The following CRMP1 variants were observed in gnomAD, a reference collection of about 807,000 sequenced individuals.
CRMP1 encodes the protein dihydropyrimidinase-related protein 1.
CRMP1 carries 19 observed loss-of-function variants against 68.3 expected under a neutral mutation model. The ratio of observed to expected loss-of-function variants is 0.28; its 90% CI spans 0.19 to 0.41. The LOEUF (loss-of-function observed/expected upper bound fraction) is 0.41. Among genes scored for constraint, CRMP1 ranks in the 10% least tolerant of loss-of-function variants. The pLI is 1.00. For synonymous variants in CRMP1, 439 were observed against 399.6 expected, an observed-to-expected ratio of 1.10 and a Z score of -1.18; for missense variants, 791 against 967.4, an observed-to-expected ratio of 0.82 and a Z score of 2.42.
Position 5,838,953 on chromosome 4 carries a change from C to T in CRMP1, c.1310+569G>A, listed in dbSNP as rs1053743885. On this transcript the variant is annotated intron_variant, in intron 9 of 13. Coordinates refer to ENST00000324989, the MANE Select transcript of CRMP1 (RefSeq NM_001014809.3). The surrounding 1 kb of genome is among the most constrained non-coding windows in gnomAD (Gnocchi z 4.9). ...TGGACACTTAGCCTCGCTGTGTGGC[C>T]CTGCTATTGCTAAGTGCTCTTCCCT... Among the ~76,000 whole-genome samples the T allele has an allele frequency of 5.9e-5, 9 of 152,156 alleles. No homozygotes were observed. The highest frequency in any genetic ancestry group is 1.9e-4 in the African/African-American group (8 of 41,438).
intron 6 of CRMP1, among the ~76,000 whole-genome samples, chr4:5,846,758 T>C (rs1256224277): frequency 4.7e-4 from 1 of 2,130 alleles, no homozygotes; most frequent in Non-Finnish European, 3.1e-3. Context: ...GCCCGGCTAA[T>C]TTTTTTTTTT....
chr4:5,880,636 G>A (rs1288305010), intron 1 of CRMP1, among the ~76,000 whole-genome samples: 2 of 152,160 alleles, frequency 1.3e-5, no homozygotes, highest in East Asian at 1.9e-4. Context: ...GAAATGCAGC[G>A]AAGCCCATTA....
intron 1 of CRMP1, among the ~76,000 whole-genome samples, chr4:5,869,487 C>T (rs191817008): frequency 6.6e-6 from 1 of 151,534 alleles, no homozygotes; most frequent in East Asian, 2.0e-4. Flanking sequence ...TCGAGACCAT[C>T]CTGGCTAACA....
chr4:5,877,347 G>T lies in CRMP1; in HGVS notation c.382-10591C>A, dbSNP rs749976096. 5.3e-5 allele frequency among the ~76,000 whole-genome samples: 8 copies of T among 152,224 alleles called. No individual in the cohort carries two copies. The highest frequency in any genetic ancestry group is 1.0e-4 in the Non-Finnish European group (7 of 68,040). On this transcript the variant is annotated intron_variant, in intron 1 of 13. Coordinates refer to ENST00000324989, the MANE Select transcript of CRMP1 (RefSeq NM_001014809.3). This position sits in a 1 kb window ranked among gnomAD's most constrained non-coding sequence, Gnocchi z 4.3. ...AGGTTCTGTGCTGGGAGCCACAGGG[G>T]TTGCTGCATAAGAGGTTTTATAGCT...
Position 5,841,184 on chromosome 4 carries a change from TC to T in CRMP1, c.1153+123del. ...AGCCACCATCCTTGTGTCAGGAGCA[TC>T]CCCGCTCCACCCCTCCCTCCTCCGG... On this transcript the variant is annotated intron_variant, in intron 8 of 13. Coordinates refer to ENST00000324989, the MANE Select transcript of CRMP1 (RefSeq NM_001014809.3). The surrounding 1 kb of genome is among the most constrained non-coding windows in gnomAD (Gnocchi z 6.9). 1 of 1,449,484 alleles carries T rather than the reference TC, an allele frequency of 6.9e-7. No individual in the cohort carries two copies. The highest frequency in any genetic ancestry group is 9.6e-7 in the Non-Finnish European group (1 of 1,044,420). 89.8% of individuals were successfully genotyped at this position (1,449,484 alleles called of 1,614,324 possible). A position where few individuals can be genotyped will look rare whatever the true frequency, so the allele number is the denominator to read the frequency against.
chr4:5,878,255 T>C, intron 1 of CRMP1, among the ~76,000 whole-genome samples: 1 of 150,226 alleles, frequency 6.7e-6, no homozygotes, highest in Non-Finnish European at 1.5e-5. Flanking sequence ...GTGGTGAGAC[T>C]AGTACAGTGT....
At position 5,850,577 on chromosome 4, in the gene CRMP1, C is replaced by A. The variant is rs977037901; in HGVS notation, c.882+831G>T. On this transcript the variant is annotated intron_variant, in intron 5 of 13. Coordinates refer to ENST00000324989, the MANE Select transcript of CRMP1 (RefSeq NM_001014809.3). This position sits in a 1 kb window ranked among gnomAD's most constrained non-coding sequence, Gnocchi z 4.4. ...CCTGCTAACTGATGCCTGTATGGCA[C>A]CATTCTCTGCTAGGCACCATCCTAG... 1.3e-5 allele frequency among the ~76,000 whole-genome samples: 2 copies of A among 152,150 alleles called. No individual in the cohort carries two copies. Among genetic ancestry groups the A allele is most frequent in the African/African-American group, 4.8e-5 (2 of 41,438 alleles).
At chr4:5,880,265 C>T (rs1715142125) in intron 1 of CRMP1, among the ~76,000 whole-genome samples, 1 of 152,120 alleles carries the variant, frequency 6.6e-6, no homozygotes, top group Non-Finnish European at 1.5e-5. Flanking sequence ...TTCCTTCCTC[C>T]TTAATTGTAC....
chr4:5,891,272 G>A lies in CRMP1; in HGVS notation c.381+1317C>T, dbSNP rs1186273026. Among the ~76,000 whole-genome samples the A allele has an allele frequency of 8.6e-6, 1 of 115,880 alleles. No homozygotes were observed. The highest frequency in any genetic ancestry group is 4.7e-4 in the East Asian group (1 of 2,132). 76.0% of individuals were successfully genotyped at this position (115,880 alleles called of 152,430 possible). ...GGCTTCAGGACCACGGAGAGCTCTGGAGCAACAGCCCGCCCGCGAAGGGAT... is the reference window on the plus strand; with the variant it reads ...GGCTTCAGGACCACGGAGAGCTCTGAAGCAACAGCCCGCCCGCGAAGGGAT... On this transcript the variant is annotated intron_variant, in intron 1 of 13. Transcript: ENST00000324989. This position sits in a 1 kb window ranked among gnomAD's most constrained non-coding sequence, Gnocchi z 5.2.
chr4:5,843,005 C>G lies in CRMP1; in HGVS notation c.1032+88G>C. On this transcript the variant is annotated intron_variant, in intron 7 of 13. Coordinates refer to ENST00000324989, the MANE Select transcript of CRMP1 (RefSeq NM_001014809.3). This position sits in a 1 kb window ranked among gnomAD's most constrained non-coding sequence, Gnocchi z 4.1. ...GAGAGGACACGGGAAGAGGCCGGGT[C>G]CTGGCTGGGCTACTCCAGCTGGAAC... 2 of 1,300,500 alleles carry G rather than the reference C, an allele frequency of 1.5e-6. No homozygotes were observed. Among genetic ancestry groups the G allele is most frequent in the Admixed American group, 1.7e-5 (1 of 58,088 alleles). The allele number at this position is 1,300,500 out of a possible 1,614,324, so 80.6% of individuals were successfully genotyped here.
rs1243675916 is a variant in CRMP1, at chr4:5,876,152, CA to C, written c.382-9397del. 1.5e-3 allele frequency among the ~76,000 whole-genome samples: 202 copies of C among 134,172 alleles called. 1 individual carries two copies. Among genetic ancestry groups the C allele is most frequent in the Non-Finnish European group, 1.4e-3 (88 of 60,902 alleles). The allele number at this position is 134,172 out of a possible 152,430, so 88.0% of individuals were successfully genotyped here. ...TGGGTGACAGAGTGAGACTCCATCT[CA>C]AAAAAAAAAAAAAGTTTTGTTTCAA... is the stretch of plus-strand genomic sequence containing the variant. On this transcript the variant is annotated intron_variant, in intron 1 of 13. Transcript: ENST00000324989.
chr4:5,871,542 C>A (rs962497396), intron 1 of CRMP1, among the ~76,000 whole-genome samples: 1 of 152,070 alleles, frequency 6.6e-6, no homozygotes, highest in Non-Finnish European at 1.5e-5. Context: ...CGCCTGTGGT[C>A]CCAGCTACTC....
chr4:5,829,361 C>A (rs779092497), intron 11 of CRMP1, among the ~76,000 whole-genome samples: 1 of 152,066 alleles, frequency 6.6e-6, no homozygotes, highest in Non-Finnish European at 1.5e-5. Flanking sequence ...TGCACTCCAG[C>A]CTGGGGGACA....
chr4:5,857,708 G>A (rs1340931279), intron 3 of CRMP1, among the ~76,000 whole-genome samples: 1 of 152,158 alleles, frequency 6.6e-6, no homozygotes, highest in Non-Finnish European at 1.5e-5. Context: ...CTAGTAAGCA[G>A]AAGAAGGAAG....
rs755337631 is a variant in CRMP1, at chr4:5,839,548, G to A, written c.1284C>T (p.Pro428=). 3.2e-5 allele frequency: 51 copies of A among 1,610,828 alleles called. No homozygotes were observed. Among genetic ancestry groups the A allele is most frequent in the Non-Finnish European group, 4.2e-5 (49 of 1,178,746 alleles). ...AGGCCAGTAGGGAGGTCAAGTAGTC[G>A]GGCGTGGTAGGGTCCGGGCTCAGGG... ...SPPLSPDPTT[P]DYLTSLLACG... is the part of the protein sequence containing the mutation. Residue 428 remains proline (P), a synonymous_variant, in exon 9 of 14, where the codon CCC becomes CCT. Transcript: ENST00000324989.
Position 5,854,399 on chromosome 4 carries a change from GTTT to G in CRMP1, c.820+1741_820+1743del, listed in dbSNP as rs35551598. Among the ~76,000 whole-genome samples the G allele has an allele frequency of 0.015, 1,070 of 70,868 alleles. 38 individuals carry two copies. The highest frequency in any genetic ancestry group is 0.093 in the Admixed American group (576 of 6,166). The allele number at this position is 70,868 out of a possible 152,430, so 46.5% of individuals were successfully genotyped here. A position where few individuals can be genotyped will look rare whatever the true frequency, so the allele number is the denominator to read the frequency against. On this transcript the variant is annotated intron_variant, in intron 4 of 13. Coordinates refer to ENST00000324989, the MANE Select transcript of CRMP1 (RefSeq NM_001014809.3). This position sits in a 1 kb window ranked among gnomAD's most constrained non-coding sequence, Gnocchi z 4.0. Reference sequence around the variant, plus strand: ...GGCGTACACCACCACTCCTGGCTATGTTTTTTTTTTTTTTTTTTTTTTTTTAAT... The same window carrying G: ...GGCGTACACCACCACTCCTGGCTATGTTTTTTTTTTTTTTTTTTTTTTAAT...
Position 5,836,643 on chromosome 4 carries a change from A to G in CRMP1, c.1452+122T>C, listed in dbSNP as rs570769007. On this transcript the variant is annotated intron_variant, in intron 10 of 13. Coordinates refer to ENST00000324989, the MANE Select transcript of CRMP1 (RefSeq NM_001014809.3). The stretch of plus-strand genomic sequence containing the variant: ...GCGTTCCCTCCTGCGCCCTCCTAGT[A>G]TATCTGCTTCCGCCTCCATGTAAGA... The G allele has an allele frequency of 1.9e-3, 2,720 of 1,432,318 alleles. 5 individuals carry two copies. The highest frequency in any genetic ancestry group is 2.5e-3 in the Non-Finnish European group (2,560 of 1,026,262). 88.7% of individuals were successfully genotyped at this position (1,432,318 alleles called of 1,614,324 possible). A position where few individuals can be genotyped will look rare whatever the true frequency, so the allele number is the denominator to read the frequency against.
intron 6 of CRMP1, among the ~76,000 whole-genome samples, chr4:5,848,254 C>G (rs1040788416): frequency 2.0e-5 from 3 of 152,064 alleles, no homozygotes; most frequent in African/African-American, 7.2e-5. Context: ...AAGCAATTCT[C>G]TGCCTCAGCC....
rs980269849 is a variant in CRMP1, at chr4:5,848,846, T to C, written c.963+546A>G. Among the ~76,000 whole-genome samples, 8 of 152,248 alleles carry C rather than the reference T, an allele frequency of 5.3e-5. 1 individual carries two copies. The highest frequency in any genetic ancestry group is 1.9e-4 in the African/African-American group (8 of 41,540). ...TCTCTTCTTCTCCTTATAAAGCCAC[T>C]AATCCCGTCATAAGGCCCCCACCCT... On this transcript the variant is annotated intron_variant, in intron 6 of 13. Transcript: ENST00000324989.
Sources: gnomAD v4.1 joint callset for allele counts (sites outside exome capture counted in the v4.1 genomes callset) on GRCh38, gnomAD v4.1.1 for gene constraint, Gnocchi (gnomAD v3.1) non-coding constraint, MANE v1.5 for transcripts, NCBI Gene and HGNC (gene_info 2026-07-23, HGNC 2026-07-21) for gene names.